Variants in ASIC2 observed in about 807,000 individuals in gnomAD.
ASIC2 encodes acid sensing ion channel subunit 2.
Under a neutral mutation model 57.3 loss-of-function variants are expected in ASIC2, and 25 were observed. The ratio of observed to expected loss-of-function variants is 0.44; its 90% CI spans 0.32 to 0.61. ASIC2 has a LOEUF of 0.61. Ranked by LOEUF, ASIC2 falls within the 20% of genes least tolerant of loss-of-function variation. ASIC2 has a pLI of 0.06. For synonymous variants in ASIC2, 319 were observed against 307.5 expected, an observed-to-expected ratio of 1.04 and a Z score of -0.39; for missense variants, 641 against 738.1, an observed-to-expected ratio of 0.87 and a Z score of 1.52.
At chr17:33,059,348 C>A (rs996001959) in intron 3 of ASIC2, among the ~76,000 whole-genome samples, 5 of 152,148 alleles carry the variant, frequency 3.3e-5, no homozygotes, top group African/African-American at 1.2e-4. Flanking sequence ...GTGATGTTCC[C>A]CTTCCTGTGT....
chr17:33,244,328 A>G (rs1908615250), intron 1 of ASIC2, among the ~76,000 whole-genome samples: 1 of 151,904 alleles, frequency 6.6e-6, no homozygotes, highest in Non-Finnish European at 1.5e-5. Flanking sequence ...GGAGAAAACC[A>G]TGTAGACAAC....
chr17:33,674,171 G>T (rs2142053121), intron 1 of ASIC2, among the ~76,000 whole-genome samples: 1 of 152,220 alleles, frequency 6.6e-6, no homozygotes, highest in South Asian at 2.1e-4. Flanking sequence ...GGGATTACAG[G>T]CGTGAGCCAC....
At chr17:34,087,221 T>G (rs1036245104) in intron 1 of ASIC2, among the ~76,000 whole-genome samples, 3 of 152,296 alleles carry the variant, frequency 2.0e-5, no homozygotes, top group Admixed American at 1.3e-4. Flanking sequence ...AGGAGTTCTT[T>G]TAGGGCAGTC....
At chr17:33,579,687 G>C (rs180871912) in intron 1 of ASIC2, among the ~76,000 whole-genome samples, 9 of 152,188 alleles carry the variant, frequency 5.9e-5, no homozygotes, top group African/African-American at 1.7e-4. Flanking sequence ...CTAGAGTGAA[G>C]CTACAGACCT....
rs551482176 is a variant in ASIC2, at chr17:33,939,241, C to G, written c.555+216737G>C. Among the ~76,000 whole-genome samples, 6 of 152,366 alleles carry G rather than the reference C, an allele frequency of 3.9e-5. No homozygotes were observed. The South Asian group carries it at 1.0e-3, about 26-fold the overall frequency. ...GTTTGCCTCATATTCAATATAGAGT[C>G]ATGCCATGATTATCTCATTAATCCC... On this transcript the variant is annotated intron_variant, in intron 1 of 9. Transcript: ENST00000359872.
chr17:33,846,945 A>G (rs1421899316), intron 1 of ASIC2, among the ~76,000 whole-genome samples: 1 of 151,798 alleles, frequency 6.6e-6, no homozygotes, highest in Non-Finnish European at 1.5e-5. Flanking sequence ...TTTCAAACCC[A>G]CTGTGTCATC....
rs532740355 is a variant in ASIC2, at chr17:33,789,585, G to A, written c.555+366393C>T. 2.6e-5 allele frequency among the ~76,000 whole-genome samples: 4 copies of A among 152,060 alleles called. No homozygotes were observed. The East Asian group carries it at 5.8e-4, about 22-fold the overall frequency. On this transcript the variant is annotated intron_variant, in intron 1 of 9. Coordinates refer to the ASIC2 transcript ENST00000359872. ...GCCCTTGGAAAACCCTAGCACTGAT[G>A]TTGTATATTTTGATAACATTTGCAA... is the stretch of plus-strand genomic sequence containing the variant.
chr17:33,124,611 G>C (rs770055414), intron 1 of ASIC2, among the ~76,000 whole-genome samples: 7 of 152,224 alleles, frequency 4.6e-5, no homozygotes, highest in Non-Finnish European at 1.0e-4. Flanking sequence ...AAGTGGGGAA[G>C]GGTTTGAGCA....
chr17:33,291,164 G>T, intron 1 of ASIC2: 1 of 741,014 alleles, frequency 1.3e-6, no homozygotes, highest in Non-Finnish European at 2.0e-6. Context: ...GCTGACACTG[G>T]AAGGAGGGGC....
chr17:33,989,838 G>A (rs1459682776), intron 1 of ASIC2, among the ~76,000 whole-genome samples: 2 of 152,254 alleles, frequency 1.3e-5, no homozygotes, highest in African/African-American at 4.8e-5. Flanking sequence ...AACTTAAAGA[G>A]GCACACAGGA....
intron 1 of ASIC2, among the ~76,000 whole-genome samples, chr17:33,161,002 C>A (rs369159220): frequency 1.2e-4 from 19 of 152,326 alleles, no homozygotes; most frequent in African/African-American, 3.4e-4. Context: ...CCTGAAACAG[C>A]TTGGAGCTGG....
chr17:33,240,227 A>G (rs1286740861), intron 1 of ASIC2, among the ~76,000 whole-genome samples: 1 of 152,188 alleles, frequency 6.6e-6, no homozygotes. Context: ...GGTGGAGCAC[A>G]GATGGCTATC....
chr17:34,052,102 CTCAT>C (rs1167242121), intron 1 of ASIC2, among the ~76,000 whole-genome samples: 1 of 152,220 alleles, frequency 6.6e-6, no homozygotes, highest in African/African-American at 2.4e-5. Context: ...CATCCATCCA[CTCAT>C]TCATTCATTC....
chr17:33,639,040 G>A (rs1906467291), intron 1 of ASIC2, among the ~76,000 whole-genome samples: 1 of 151,820 alleles, frequency 6.6e-6, no homozygotes, highest in African/African-American at 2.4e-5. Context: ...AATGAAGAGA[G>A]GTTGTCACCG....
In ASIC2 at chr17:33,548,569, C is replaced by G. The variant is rs539011013; in HGVS notation, c.556-436502G>C. Among the ~76,000 whole-genome samples the G allele has an allele frequency of 2.0e-5, 3 of 152,294 alleles. No homozygotes were observed. In the South Asian group the frequency reaches 6.2e-4, roughly 32 times the overall value. ...TGGGAGAGAGCATTGGACTGGGAGT[C>G]TACAGGCCTGGGTGTTCCTCTCCTG... On this transcript the variant is annotated intron_variant, in intron 1 of 9. Coordinates refer to the ASIC2 transcript ENST00000359872.
intron 1 of ASIC2, among the ~76,000 whole-genome samples, chr17:33,418,020 ATGTATGTATGTGTGTG>A (rs1257578917): frequency 1.1e-3 from 127 of 117,642 alleles, no homozygotes; most frequent in African/African-American, 2.8e-3. Context: ...GGCTCTCAGC[ATGTATGTATGTGTGTG>A]TGTGTGTGTG....
At chr17:33,716,952 T>G (rs1053367228) in intron 1 of ASIC2, among the ~76,000 whole-genome samples, 1 of 152,156 alleles carries the variant, frequency 6.6e-6, no homozygotes, top group Non-Finnish European at 1.5e-5. Context: ...GGGCTGGAAA[T>G]AGATGCAGTG....
At chr17:33,624,663 C>T (rs1905916471) in intron 1 of ASIC2, among the ~76,000 whole-genome samples, 1 of 152,180 alleles carries the variant, frequency 6.6e-6, no homozygotes, top group African/African-American at 2.4e-5. Context: ...TGATCAGCAG[C>T]AATTCACACT....
chr17:33,435,475 A>G (rs1911577228), intron 1 of ASIC2, among the ~76,000 whole-genome samples: 1 of 152,204 alleles, frequency 6.6e-6, no homozygotes, highest in South Asian at 2.1e-4. Flanking sequence ...ATTAAAATGC[A>G]TCACACATAT....
Sources: allele counts gnomAD v4.1 joint callset (sites outside exome capture counted in the v4.1 genomes callset), GRCh38; gene constraint gnomAD v4.1.1; transcripts MANE v1.5; gene names NCBI Gene and HGNC (gene_info 2026-07-23, HGNC 2026-07-21).